TOP1: variants seen among roughly 807,000 people sequenced by gnomAD.
TOP1 encodes DNA topoisomerase I, also known as DNA topoisomerase 1.
In TOP1, 10 loss-of-function variants were observed where a neutral mutation model predicts 111.1. That is an observed-to-expected ratio of 0.09 (90% CI 0.06 to 0.15). The LOEUF (loss-of-function observed/expected upper bound fraction) is 0.15, where lower values mean the gene tolerates loss of function less well. Ranked by LOEUF, TOP1 falls within the 10% of genes least tolerant of loss-of-function variation. TOP1 has a pLI of 1.00. For missense variants in TOP1, 474 were observed against 926.7 expected, an observed-to-expected ratio of 0.51 and a Z score of 6.34; for synonymous variants, 271 against 302.9, an observed-to-expected ratio of 0.89 and a Z score of 1.10.
chr20:41,030,794 G>A lies in TOP1; in HGVS notation c.58+1339G>A, dbSNP rs973717549. 1.3e-5 allele frequency among the ~76,000 whole-genome samples: 2 copies of A among 152,170 alleles called. No homozygotes were observed. The highest frequency in any genetic ancestry group is 1.9e-4 in the East Asian group (1 of 5,198). ...ATCATGTTAGCCTGCTCTACTGAGA[G>A]CAACCTTATGTTCAGAGTTTGAAGT... is the stretch of plus-strand genomic sequence containing the variant. On this transcript the variant is annotated intron_variant, in intron 2 of 20. Transcript: ENST00000361337. The surrounding 1 kb of genome is among the most constrained non-coding windows in gnomAD (Gnocchi z 4.1).
In TOP1 at chr20:41,116,289, G is replaced by T; in HGVS notation, c.1719G>T (p.Leu573=). The T allele has an allele frequency of 6.2e-7, 1 of 1,612,010 alleles. No individual in the cohort carries two copies. The highest frequency in any genetic ancestry group is 1.1e-5 in the South Asian group (1 of 90,988). Reference sequence around the variant, plus strand: ...TTTGTCTCCTCCAGACTGGTATTCTGAATAAGCATCTTCAGGATCTCATGG... The same window carrying T: ...TTTGTCTCCTCCAGACTGGTATTCTTAATAAGCATCTTCAGGATCTCATGG... The part of the protein sequence containing the change: ...DLFDRLNTGI[L]NKHLQDLMEG... The change falls in exon 17 of 21, where the codon CTG becomes CTT. Residue 573 remains leucine (L), a synonymous_variant. Transcript: ENST00000361337. This position sits in a 1 kb window ranked among gnomAD's most constrained non-coding sequence, Gnocchi z 5.6.
chr20:41,108,748 CT>C (rs772863480), intron 13 of TOP1, among the ~76,000 whole-genome samples: 1 of 152,152 alleles, frequency 6.6e-6, no homozygotes, highest in Non-Finnish European at 1.5e-5. Context: ...CTTCTGGAAC[CT>C]GCAGTTTCAA....
At chr20:41,047,600 C>G (rs915636869) in intron 2 of TOP1, among the ~76,000 whole-genome samples, 2 of 152,168 alleles carry the variant, frequency 1.3e-5, no homozygotes, top group African/African-American at 4.8e-5. Context: ...ATTCCAGTGT[C>G]CATAAATAAA....
intron 2 of TOP1, among the ~76,000 whole-genome samples, chr20:41,059,649 T>A (rs2033521009): frequency 6.6e-6 from 1 of 151,984 alleles, no homozygotes; most frequent in South Asian, 2.1e-4. Context: ...GGCAACGATA[T>A]CTTGGGGCAC....
At chr20:41,048,909 AAAT>A (rs2033366932) in intron 2 of TOP1, among the ~76,000 whole-genome samples, 2 of 152,246 alleles carry the variant, frequency 1.3e-5, no homozygotes, top group Non-Finnish European at 2.9e-5. Flanking sequence ...GAAGGCTGTA[AAAT>A]AAGACAGTGG....
At chr20:41,111,651 C>CT (rs2034244063) in intron 13 of TOP1, among the ~76,000 whole-genome samples, 1 of 127,146 alleles carries the variant, frequency 7.9e-6, no homozygotes, top group Non-Finnish European at 1.6e-5. Flanking sequence ...GGCTGAAAGG[C>CT]TGGTTATCTT....
At position 41,103,490 on chromosome 20, in the gene TOP1, A is replaced by G. The variant is rs540225518; in HGVS notation, c.1308+2137A>G. ...ACAGCTTCACTTCAGCAAGATTTAC[A>G]GGCATTATATGTAAATCACATCAGT... is the stretch of plus-strand genomic sequence containing the variant. On this transcript the variant is annotated intron_variant, in intron 13 of 20. Coordinates refer to ENST00000361337, the MANE Select transcript of TOP1 (RefSeq NM_003286.4). 1.3e-3 allele frequency among the ~76,000 whole-genome samples: 194 copies of G among 152,350 alleles called. 1 individual carries two copies. The highest frequency in any genetic ancestry group is 4.5e-3 in the African/African-American group (187 of 41,584).
chr20:41,109,452 T>C lies in TOP1; in HGVS notation c.1309-3330T>C, dbSNP rs1388174767. ...AGAAAAACACCAACAAGAGAAACAATTGACTAAATGGACTTCATTAAAATT... is the reference window on the plus strand; with the variant it reads ...AGAAAAACACCAACAAGAGAAACAACTGACTAAATGGACTTCATTAAAATT... On this transcript the variant is annotated intron_variant, in intron 13 of 20. Transcript: ENST00000361337. This position sits in a 1 kb window ranked among gnomAD's most constrained non-coding sequence, Gnocchi z 4.1. Among the ~76,000 whole-genome samples, 3 of 151,970 alleles carry C rather than the reference T, an allele frequency of 2.0e-5. No homozygotes were observed. The highest frequency in any genetic ancestry group is 2.1e-4 in the South Asian group (1 of 4,826).
intron 3 of TOP1, among the ~76,000 whole-genome samples, chr20:41,070,701 T>C (rs956362803): frequency 3.3e-5 from 5 of 152,246 alleles, no homozygotes; most frequent in Non-Finnish European, 7.3e-5. Context: ...AGAGGTCTGC[T>C]GCCTTGAGGA....
chr20:41,121,657 C>T lies in TOP1; in HGVS notation c.1951-39C>T. 6.4e-7 allele frequency: 1 copy of T among 1,551,020 alleles called. No individual in the cohort carries two copies. Among genetic ancestry groups the T allele is most frequent in the East Asian group, 2.2e-5 (1 of 44,582 alleles). ...ACCTTCTCAGGTGGAGCCATTTTTCCTCTACAGCTCATAACCTTACCACTA... is the reference window on the plus strand; with the variant it reads ...ACCTTCTCAGGTGGAGCCATTTTTCTTCTACAGCTCATAACCTTACCACTA... On this transcript the variant is annotated intron_variant, in intron 18 of 20. Transcript: ENST00000361337. The surrounding 1 kb of genome is among the most constrained non-coding windows in gnomAD (Gnocchi z 4.2).
chr20:41,077,511 A>C lies in TOP1; in HGVS notation c.280-71A>C, dbSNP rs559819828. On this transcript the variant is annotated intron_variant, in intron 4 of 20. Coordinates refer to ENST00000361337, the MANE Select transcript of TOP1 (RefSeq NM_003286.4). The stretch of plus-strand genomic sequence containing the variant: ...ATGATGTCCCAGGAACTGATGCTAC[A>C]TATTCTCAAAAAGAGGTTTCTTCAA... The C allele has an allele frequency of 2.4e-5, 30 of 1,248,244 alleles. No homozygotes were observed. In the African/African-American group the frequency reaches 2.7e-4, roughly 11 times the overall value. The allele number at this position is 1,248,244 out of a possible 1,614,324, so 77.3% of individuals were successfully genotyped here. A position where few individuals can be genotyped will look rare whatever the true frequency, so the allele number is the denominator to read the frequency against.
rs1040995463 is a variant in TOP1 at position 41,034,877 on chromosome 20, C to T, written c.58+5422C>T. On this transcript the variant is annotated intron_variant, in intron 2 of 20. Coordinates refer to ENST00000361337, the MANE Select transcript of TOP1 (RefSeq NM_003286.4). This position sits in a 1 kb window ranked among gnomAD's most constrained non-coding sequence, Gnocchi z 4.0. Reference sequence around the variant, plus strand: ...GGCAACTTTTAATTTTAACTTCTTTCCTTTACTTTTTTTTTGGGCGGGGTG... The same window carrying T: ...GGCAACTTTTAATTTTAACTTCTTTTCTTTACTTTTTTTTTGGGCGGGGTG... 1.3e-5 allele frequency among the ~76,000 whole-genome samples: 2 copies of T among 151,926 alleles called. No individual in the cohort carries two copies. The highest frequency in any genetic ancestry group is 2.9e-5 in the Non-Finnish European group (2 of 67,988).
In TOP1 at chr20:41,029,492, A is replaced by G; in HGVS notation, c.58+37A>G. On this transcript the variant is annotated intron_variant, in intron 2 of 20. Transcript: ENST00000361337. The surrounding 1 kb of genome is among the most constrained non-coding windows in gnomAD (Gnocchi z 6.1). The stretch of plus-strand genomic sequence containing the variant: ...CCCTGCGCCGACTCCGGGGCCCCCC[A>G]GCCGCCGGCCGCCTCCCCCGCGCCC... 3 of 1,541,760 alleles carry G rather than the reference A, an allele frequency of 1.9e-6. No homozygotes were observed. Among genetic ancestry groups the G allele is most frequent in the Middle Eastern group, 1.7e-4 (1 of 5,866 alleles).
chr20:41,042,833 A>G (rs117772914), intron 2 of TOP1, among the ~76,000 whole-genome samples: 1 of 152,340 alleles, frequency 6.6e-6, no homozygotes, highest in East Asian at 1.9e-4. Context: ...ATGATCTCAC[A>G]ATAAAGTAAG....
chr20:41,069,305 C>T lies in TOP1; in HGVS notation c.156-6866C>T, dbSNP rs774033264. ...TGCCAAAGCCCTCCCTTTGTCTACA[C>T]ATCACTATATCATCCTGTCTGTGGG... On this transcript the variant is annotated intron_variant, in intron 3 of 20. Coordinates refer to ENST00000361337, the MANE Select transcript of TOP1 (RefSeq NM_003286.4). This position sits in a 1 kb window ranked among gnomAD's most constrained non-coding sequence, Gnocchi z 4.1. Among the ~76,000 whole-genome samples, 1 of 152,188 alleles carries T rather than the reference C, an allele frequency of 6.6e-6. No individual in the cohort carries two copies. The highest frequency in any genetic ancestry group is 1.5e-5 in the Non-Finnish European group (1 of 68,038).
chr20:41,054,916 C>G (rs748458096), intron 2 of TOP1, among the ~76,000 whole-genome samples: 30 of 152,290 alleles, frequency 2.0e-4, no homozygotes, highest in Admixed American at 1.7e-3. Flanking sequence ...AAGACAGAGA[C>G]ACTTTCCTTT....
At chr20:41,088,509 T>A (rs1254684077) in intron 8 of TOP1, among the ~76,000 whole-genome samples, 4 of 151,804 alleles carry the variant, frequency 2.6e-5, no homozygotes, top group East Asian at 1.9e-4. Flanking sequence ...TCTCAAAAAA[T>A]AAATAAATAA....
intron 2 of TOP1, among the ~76,000 whole-genome samples, chr20:41,056,992 G>A (rs1430241046): frequency 6.6e-6 from 1 of 152,106 alleles, no homozygotes; most frequent in Non-Finnish European, 1.5e-5. Flanking sequence ...CGGGCGCAGT[G>A]GCTCACGCCT....
In TOP1 at chr20:41,123,406, T is replaced by A; in HGVS notation, c.*109T>A. 1.4e-6 allele frequency: 1 copy of A among 705,382 alleles called. No homozygotes were observed. The highest frequency in any genetic ancestry group is 2.4e-6 in the Non-Finnish European group (1 of 415,956). The allele number at this position is 705,382 out of a possible 1,614,324, so 43.7% of individuals were successfully genotyped here. A position where few individuals can be genotyped will look rare whatever the true frequency, so the allele number is the denominator to read the frequency against. ...CCTGGGGGAGAGAGGCAGCAAGTCT[T>A]AACAAACCAACATCTTTGCGAAAAG... On this transcript the variant is annotated 3_prime_UTR_variant, in exon 21 of 21. Transcript: ENST00000361337. This position sits in a 1 kb window ranked among gnomAD's most constrained non-coding sequence, Gnocchi z 5.8.
Sources: allele counts gnomAD v4.1 joint callset (sites outside exome capture counted in the v4.1 genomes callset), GRCh38; gene constraint gnomAD v4.1.1; non-coding constraint Gnocchi (gnomAD v3.1); transcripts MANE v1.5; gene names NCBI Gene and HGNC (gene_info 2026-07-23, HGNC 2026-07-21).